The following TBX15 variants were observed in gnomAD, a reference collection of about 807,000 sequenced individuals.
TBX15 encodes T-box transcription factor TBX15.
TBX15 carries 18 observed loss-of-function variants against 53.9 expected under a neutral mutation model. That is an observed-to-expected ratio of 0.33 (90% confidence interval 0.23 to 0.49). The LOEUF (loss-of-function observed/expected upper bound fraction) is 0.49. TBX15 is among the 20% of genes least tolerant of loss of function. TBX15 has a pLI of 0.98. For missense variants in TBX15, 692 were observed against 749.5 expected, an observed-to-expected ratio of 0.92 and a Z score of 0.90; for synonymous variants, 295 against 278.0, an observed-to-expected ratio of 1.06 and a Z score of -0.61.
At chr1:118,928,182 T>C (rs1319972670) in intron 2 of TBX15, among the ~76,000 whole-genome samples, 5 of 152,312 alleles carry the variant, frequency 3.3e-5, no homozygotes, top group South Asian at 4.1e-4. Flanking sequence ...AGTAGGTCAG[T>C]GACATCATAA....
chr1:118,953,208 C>A (rs967765820), intron 1 of TBX15, among the ~76,000 whole-genome samples: 5 of 152,196 alleles, frequency 3.3e-5, no homozygotes, highest in African/African-American at 4.8e-5. Flanking sequence ...CTGAACCTAA[C>A]CCTCATAAAT....
At chr1:118,950,676 A>C (rs1363953830) in intron 1 of TBX15, among the ~76,000 whole-genome samples, 2 of 152,174 alleles carry the variant, frequency 1.3e-5, no homozygotes, top group Non-Finnish European at 2.9e-5. Context: ...TTCTTAAATG[A>C]ACATCTGATA....
intron 6 of TBX15, 93 bp from the exon 7 acceptor site, chr1:118,899,218 A>G: frequency 8.7e-7 from 1 of 1,148,794 alleles, no homozygotes; most frequent in Non-Finnish European, 1.3e-6. Flanking sequence ...TCAAACAGGT[A>G]ATAAAAACAT....
chr1:118,956,395 G>C (rs12145847), intron 1 of TBX15, among the ~76,000 whole-genome samples: 48,389 of 151,922 alleles, frequency 0.32, 8,884 homozygotes, highest in East Asian at 0.57. Context: ...TCAGAAAAAA[G>C]TTAGGTATTT....
At chr1:118,885,928 T>C (rs947510608) in intron 7 of TBX15, among the ~76,000 whole-genome samples, 2 of 152,222 alleles carry the variant, frequency 1.3e-5, no homozygotes, top group Non-Finnish European at 2.9e-5. Context: ...CCATTCTTAA[T>C]GGAAATGCAT....
intron 6 of TBX15, among the ~76,000 whole-genome samples, chr1:118,899,608 T>A (rs1334673838): frequency 6.6e-6 from 1 of 152,132 alleles, no homozygotes; most frequent in Non-Finnish European, 1.5e-5. Flanking sequence ...TTTTAAAGGC[T>A]TCTTAAATCA....
At chr1:118,970,472 C>T (rs764202572) in intron 1 of TBX15, among the ~76,000 whole-genome samples, 10 of 152,206 alleles carry the variant, frequency 6.6e-5, no homozygotes, top group East Asian at 3.9e-4. Context: ...AAAGAGAAAC[C>T]GTCTTGCAAG....
intron 1 of TBX15, among the ~76,000 whole-genome samples, chr1:118,977,001 T>G (rs1444536647): frequency 1.3e-5 from 2 of 152,224 alleles, no homozygotes; most frequent in Non-Finnish European, 2.9e-5. Context: ...TTTGTTCCTG[T>G]ATGTGAACTA....
intron 1 of TBX15, among the ~76,000 whole-genome samples, chr1:118,978,325 A>G (rs747003315): frequency 1.1e-4 from 16 of 152,216 alleles, no homozygotes; most frequent in Non-Finnish European, 1.9e-4. Flanking sequence ...CCAACAAAGT[A>G]AGGATGGGTC....
At chr1:118,957,823 A>G (rs999305921) in intron 1 of TBX15, among the ~76,000 whole-genome samples, 3 of 152,310 alleles carry the variant, frequency 2.0e-5, no homozygotes, top group Non-Finnish European at 4.4e-5. Flanking sequence ...ATGGCTGCAT[A>G]GTATTCCATG....
intron 1 of TBX15, among the ~76,000 whole-genome samples, chr1:118,970,436 A>G (rs1310455928): frequency 6.6e-6 from 1 of 152,196 alleles, no homozygotes; most frequent in Non-Finnish European, 1.5e-5. Context: ...CTTCTAAACC[A>G]ATGGATTGTT....
chr1:118,896,384 T>C (rs1654424390), intron 7 of TBX15, among the ~76,000 whole-genome samples: 1 of 152,202 alleles, frequency 6.6e-6, no homozygotes. Flanking sequence ...CAAAGTTTTA[T>C]CAGCAGATGA....
Position 118,884,368 on chromosome 1 carries a change from C to T in TBX15, c.*364G>A. 1 of 323,074 alleles carries T rather than the reference C, an allele frequency of 3.1e-6. No homozygotes were observed. Among genetic ancestry groups the T allele is most frequent in the South Asian group, 3.3e-5 (1 of 30,424 alleles). The allele number at this position is 323,074 out of a possible 1,614,324, so 20.0% of individuals were successfully genotyped here. A position where few individuals can be genotyped will look rare whatever the true frequency, so the allele number is the denominator to read the frequency against. On this transcript the variant is annotated 3_prime_UTR_variant, in exon 8 of 8. Coordinates refer to ENST00000369429, the MANE Select transcript of TBX15 (RefSeq NM_001330677.2). ...TGCACGTATGTATAGGTAGGTCTGT[C>T]TGTATGTGGGTGTGTATGTGTAACT...
At chr1:118,983,786 T>G (rs1261968512) in intron 1 of TBX15, among the ~76,000 whole-genome samples, 1 of 152,128 alleles carries the variant, frequency 6.6e-6, no homozygotes, top group African/African-American at 2.4e-5. Flanking sequence ...CATCTCACTC[T>G]ACGCGTTCGC....
intron 1 of TBX15, among the ~76,000 whole-genome samples, chr1:118,978,484 A>G (rs1334896511): frequency 1.3e-5 from 2 of 152,246 alleles, no homozygotes; most frequent in Non-Finnish European, 2.9e-5. Context: ...CTGAGGCCTC[A>G]TCAGTGGCTA....
Position 118,923,486 on chromosome 1 carries a change from T to G in TBX15, c.811A>C (p.Asn271His). 1 of 1,613,992 alleles carries G rather than the reference T, an allele frequency of 6.2e-7. No homozygotes were observed. Among genetic ancestry groups the G allele is most frequent in the Non-Finnish European group, 8.5e-7 (1 of 1,179,948 alleles). ...GTGGTGAACACAGTCTCAGGAAAGT[T>G]GAACGTTTTCACCCCATCCCCAACA... Reference protein sequence around the residue: ...VPVGDGVKTFNFPETVFTTVT... With the variant: ...VPVGDGVKTFHFPETVFTTVT... The change falls in exon 5 of 8, where the codon AAC becomes CAC. Residue 271 changes from asparagine (N) to histidine (H), a missense_variant. By Grantham distance (68) the Asn-to-His change is moderately conservative. Transcript: ENST00000369429.
In TBX15 at chr1:118,927,354, T is replaced by G. The variant is rs534092243; in HGVS notation, c.420-743A>C. On this transcript the variant is annotated intron_variant, in intron 2 of 7. Transcript: ENST00000369429. The stretch of plus-strand genomic sequence containing the variant: ...TTAGTATAGCAACTTACACTCTTCT[T>G]ATAATCTGAAGAGCTTTTCAGTTTA... Among the ~76,000 whole-genome samples, 3 of 152,368 alleles carry G rather than the reference T, an allele frequency of 2.0e-5. No homozygotes were observed. In the East Asian group the frequency reaches 5.8e-4, roughly 29 times the overall value.
intron 5 of TBX15, 73 bp from the exon 6 acceptor site, chr1:118,914,252 C>CA: frequency 7.3e-7 from 1 of 1,360,890 alleles, no homozygotes. Flanking sequence ...TAGAAAATTA[C>CA]AAAAATCACT....
At chr1:118,893,356 GGAAAGAAAGAAAGAAAGAAAGAAAGAAA>G (rs200654722) in intron 7 of TBX15, among the ~76,000 whole-genome samples, 2 of 51,020 alleles carry the variant, frequency 3.9e-5, no homozygotes, top group African/African-American at 2.4e-4. Flanking sequence ...AAGGAAGGAA[GGAAAGAAAGAAAGAAAGAAAGAAAGAAA>G]GAAAGAAAGA....
Sources: allele counts gnomAD v4.1 joint callset (sites outside exome capture counted in the v4.1 genomes callset), GRCh38; gene constraint gnomAD v4.1.1; transcripts MANE v1.5; gene names NCBI Gene and HGNC (gene_info 2026-07-23, HGNC 2026-07-21).